NRXN1: variants seen among roughly 807,000 people sequenced by gnomAD.
NRXN1 encodes the protein neurexin 1, also known as neurexin-1.
A neutral mutation model predicts 150.9 loss-of-function variants in NRXN1; 39 were observed. The ratio of observed to expected loss-of-function variants is 0.26; its 90% CI spans 0.20 to 0.34. The LOEUF is 0.34. Among genes scored for constraint, NRXN1 ranks in the 10% least tolerant of loss-of-function variants. The probability of loss-of-function intolerance (pLI) is 1.00; values close to 1 mark genes in which losing one functional copy is unlikely to be tolerated. For synonymous variants in NRXN1, 924 were observed against 757.0 expected, an observed-to-expected ratio of 1.22 and a Z score of -3.62; for missense variants, 1,815 against 1,949.9, an observed-to-expected ratio of 0.93 and a Z score of 1.30.
intron 21 of NRXN1, among the ~76,000 whole-genome samples, chr2:49,982,420 C>T (rs2112073): frequency 0.49 from 74,684 of 151,606 alleles, 18,828 homozygotes; most frequent in Middle Eastern, 0.63. Context: ...TATGAAATCA[C>T]CAATAACTCT....
intron 5 of NRXN1, among the ~76,000 whole-genome samples, chr2:50,647,986 T>C (rs935822838): frequency 1.3e-5 from 2 of 152,002 alleles, no homozygotes; most frequent in Admixed American, 6.6e-5. Flanking sequence ...TGATATCATG[T>C]ATTTATTTCC....
intron 21 of NRXN1, among the ~76,000 whole-genome samples, chr2:49,949,720 G>C (rs530799572): frequency 2.0e-5 from 3 of 151,750 alleles, no homozygotes; most frequent in Non-Finnish European, 4.4e-5. Flanking sequence ...AATTGTCTCA[G>C]ACAATGACAT....
intron 21 of NRXN1, among the ~76,000 whole-genome samples, chr2:49,990,842 A>T (rs1331549047): frequency 3.9e-5 from 6 of 152,162 alleles, no homozygotes; most frequent in African/African-American, 1.4e-4. Context: ...CTTCAAAAGT[A>T]TCTGCATTTA....
rs200331973 is a variant in NRXN1, at chr2:50,055,020, G to A, written c.3743C>T (p.Ala1248Val). 1.3e-6 allele frequency: 2 copies of A among 1,599,832 alleles called. No homozygotes were observed. Among genetic ancestry groups the A allele is most frequent in the South Asian group, 1.1e-5 (1 of 87,092 alleles). ...PAGNNDNERL[A>V]IARQRIPYRL... ...ATATGGAATTCGCTGTCTAGCAATC[G>A]CCAGGCGCTCGTTATCATTGTTTCC... is the stretch of plus-strand genomic sequence containing the variant. The change falls in exon 20 of 23, where the codon GCG becomes GTG. Residue 1248 changes from alanine (A) to valine (V), a missense_variant. Coordinates refer to ENST00000401669, the MANE Select transcript of NRXN1 (RefSeq NM_001330078.2).
intron 5 of NRXN1, among the ~76,000 whole-genome samples, chr2:50,854,119 A>C (rs1261750425): frequency 6.6e-6 from 1 of 152,102 alleles, no homozygotes; most frequent in East Asian, 1.9e-4. Context: ...GTGTAAAATC[A>C]GCATGGCAGA....
chr2:50,709,431 T>C (rs1694857311), intron 5 of NRXN1, among the ~76,000 whole-genome samples: 1 of 152,094 alleles, frequency 6.6e-6, no homozygotes, highest in Non-Finnish European at 1.5e-5. Flanking sequence ...TCTAATCTAC[T>C]CTGGAGCATC....
At chr2:50,266,123 C>T (rs372678432) in intron 17 of NRXN1, among the ~76,000 whole-genome samples, 7 of 150,046 alleles carry the variant, frequency 4.7e-5, no homozygotes, top group South Asian at 2.1e-4. Context: ...CTCAGCCTCC[C>T]GAGTAGCTGG....
intron 17 of NRXN1, among the ~76,000 whole-genome samples, chr2:50,408,837 A>ATCTCTC (rs10522429): frequency 0.014 from 1,933 of 136,562 alleles, 37 homozygotes; most frequent in East Asian, 0.02. Flanking sequence ...ATCAATCTCA[A>ATCTCTC]TCTCTCTCTC....
chr2:50,833,122 T>C (rs1156944936), intron 5 of NRXN1, among the ~76,000 whole-genome samples: 1 of 152,046 alleles, frequency 6.6e-6, no homozygotes, highest in Non-Finnish European at 1.5e-5. Flanking sequence ...GAAATGCAAA[T>C]TAACACCATG....
chr2:50,974,539 C>T (rs576648533), intron 2 of NRXN1, among the ~76,000 whole-genome samples: 3 of 152,206 alleles, frequency 2.0e-5, no homozygotes, highest in East Asian at 3.9e-4. Context: ...GGAGCTTTTT[C>T]TTCACTCTAA....
At chr2:50,946,131 A>G (rs2104537959) in intron 2 of NRXN1, among the ~76,000 whole-genome samples, 1 of 152,136 alleles carries the variant, frequency 6.6e-6, no homozygotes, top group South Asian at 2.1e-4. Context: ...TGCCATGTTA[A>G]GGAAGCAATT....
chr2:50,010,164 AAATTTAT>A (rs1303962492), intron 21 of NRXN1, among the ~76,000 whole-genome samples: 1 of 151,992 alleles, frequency 6.6e-6, no homozygotes, highest in East Asian at 1.9e-4. Context: ...AAAAAAAGTC[AAATTTAT>A]AAAAGGAGAA....
chr2:50,944,796 A>G (rs552348468), intron 2 of NRXN1, among the ~76,000 whole-genome samples: 16 of 152,348 alleles, frequency 1.1e-4, no homozygotes, highest in Admixed American at 3.9e-4. Context: ...TAAAGCCTCT[A>G]GCAGCAATAA....
chr2:50,146,427 C>G (rs573932073), intron 18 of NRXN1, among the ~76,000 whole-genome samples: 2 of 151,666 alleles, frequency 1.3e-5, no homozygotes, highest in East Asian at 3.9e-4. Flanking sequence ...TGGAACCAAT[C>G]CAATTGCCCA....
intron 17 of NRXN1, among the ~76,000 whole-genome samples, chr2:50,438,955 A>G (rs978170425): frequency 6.6e-6 from 1 of 152,220 alleles, no homozygotes; most frequent in African/African-American, 2.4e-5. Context: ...TTCTATAGTC[A>G]CTATGGAAAG....
intron 17 of NRXN1, among the ~76,000 whole-genome samples, chr2:50,263,789 C>A (rs1283786190): frequency 1.3e-5 from 2 of 152,054 alleles, no homozygotes; most frequent in African/African-American, 4.8e-5. Flanking sequence ...CAATAACACG[C>A]CTGTTTAGAG....
chr2:50,315,585 G>A (rs773012644), intron 17 of NRXN1, among the ~76,000 whole-genome samples: 3 of 152,070 alleles, frequency 2.0e-5, no homozygotes, highest in Non-Finnish European at 4.4e-5. Flanking sequence ...ATTGTCTCCT[G>A]TACAGTCAGT....
At chr2:50,267,980 A>C (rs2069099575) in intron 17 of NRXN1, among the ~76,000 whole-genome samples, 2 of 152,104 alleles carry the variant, frequency 1.3e-5, no homozygotes, top group Admixed American at 6.6e-5. Flanking sequence ...GCCTGAGCTC[A>C]GGAGTTTGCG....
intron 17 of NRXN1, among the ~76,000 whole-genome samples, chr2:50,300,114 A>G (rs1227094902): frequency 2.0e-5 from 3 of 152,188 alleles, no homozygotes; most frequent in Non-Finnish European, 4.4e-5. Flanking sequence ...AAAGAATATG[A>G]GAGCAATTTT....
Sources: allele counts gnomAD v4.1 joint callset (sites outside exome capture counted in the v4.1 genomes callset), GRCh38; gene constraint gnomAD v4.1.1; transcripts MANE v1.5; gene names NCBI Gene and HGNC (gene_info 2026-07-23, HGNC 2026-07-21).